UNC80: variants seen among roughly 807,000 people sequenced by gnomAD.
UNC80 encodes the protein protein unc-80 homolog.
A neutral mutation model predicts 384.6 loss-of-function variants in UNC80; 164 were observed. The ratio of observed to expected loss-of-function variants is 0.43; its 90% CI spans 0.38 to 0.49. The LOEUF is 0.49. Among genes scored for constraint, UNC80 ranks in the 20% least tolerant of loss-of-function variants. The pLI is 0.00. For synonymous variants in UNC80, 1,486 were observed against 1,527.8 expected (o/e 0.97, Z 0.64); for missense variants, 3,330 against 4,143.0 (o/e 0.80, Z 5.39).
intron 43 of UNC80, among the ~76,000 whole-genome samples, chr2:209,940,977 C>T (rs1416232187): frequency 2.6e-5 from 4 of 152,158 alleles, no homozygotes; most frequent in Admixed American, 2.6e-4. Flanking sequence ...AGCAGTAAAA[C>T]ACTGCCAATG....
Position 209,841,537 on chromosome 2 carries a change from A to C in UNC80, c.3358-813A>C, listed in dbSNP as rs572962312. 4.6e-5 allele frequency among the ~76,000 whole-genome samples: 7 copies of C among 152,024 alleles called. No homozygotes were observed. In the South Asian group the frequency reaches 8.3e-4, roughly 18 times the overall value. On this transcript the variant is annotated intron_variant, in intron 20 of 64. Transcript: ENST00000673920. The stretch of plus-strand genomic sequence containing the variant: ...CCAGCTAATTTTATATTTTTAGTAG[A>C]GACGGGGTTTCACCATGTTGGCCAG...
chr2:209,928,346 A>G (rs888555711), intron 36 of UNC80, among the ~76,000 whole-genome samples: 5 of 152,130 alleles, frequency 3.3e-5, no homozygotes, highest in African/African-American at 1.2e-4. Flanking sequence ...AAAAATAAAA[A>G]TAAAATAAAA....
intron 14 of UNC80, among the ~76,000 whole-genome samples, chr2:209,826,307 T>C (rs1027582859): frequency 6.6e-6 from 1 of 152,186 alleles, no homozygotes; most frequent in Non-Finnish European, 1.5e-5. Context: ...AGTGAAAATA[T>C]ATATAATTGG....
At chr2:209,809,471 C>A in intron 7 of UNC80, 1 of 1,412,924 alleles carries the variant, frequency 7.1e-7, no homozygotes, top group South Asian at 1.1e-5. Flanking sequence ...CACCTCCAGA[C>A]CCACTTGGAC....
chr2:209,818,934 T>A lies in UNC80; in HGVS notation c.1694-59T>A, dbSNP rs958538465. The A allele has an allele frequency of 1.2e-5, 18 of 1,505,626 alleles. No homozygotes were observed. In the African/African-American group the frequency reaches 2.4e-4, roughly 20 times the overall value. The allele number at this position is 1,505,626 out of a possible 1,614,324, so 93.3% of individuals were successfully genotyped here. A position where few individuals can be genotyped will look rare whatever the true frequency, so the allele number is the denominator to read the frequency against. ...CATGATTGAAGTAATAGTATAACTGTCTAACTGGTATTGTAGGTTAATGTA... is the reference window on the plus strand; with the variant it reads ...CATGATTGAAGTAATAGTATAACTGACTAACTGGTATTGTAGGTTAATGTA... On this transcript the variant is annotated intron_variant, in intron 11 of 64. Coordinates refer to ENST00000673920, the MANE Select transcript of UNC80 (RefSeq NM_001371986.1).
intron 4 of UNC80, 135 bp downstream of exon 4, chr2:209,777,694 T>A: frequency 1.0e-6 from 1 of 996,240 alleles, no homozygotes; most frequent in Non-Finnish European, 1.5e-6. Context: ...GAACTTTATT[T>A]CTGTGTTAAA....
rs898129387 is a variant in UNC80 at position 209,813,593 on chromosome 2, A to G, written c.952A>G (p.Ile318Val). Reference protein sequence around the residue: ...GPSHSRASLVIPPCQRSRYAT... With the variant: ...GPSHSRASLVVPPCQRSRYAT... ...GCCATGGAACAGGGCCTCTCTTGTG[A>G]TACCTCCGTGCCAAAGGTCCCGCTA... Residue 318 changes from isoleucine to valine, a missense_variant, in exon 8 of 65, where the codon ATA becomes GTA. Around this residue, in one of 8 missense-constraint regions of UNC80, gnomAD observed 937 missense variants for 1,026.8 expected, o/e 0.91. Transcript: ENST00000673920. 1.3e-6 allele frequency: 2 copies of G among 1,551,372 alleles called. No homozygotes were observed. Among genetic ancestry groups the G allele is most frequent in the Non-Finnish European group, 1.7e-6 (2 of 1,146,808 alleles).
chr2:209,809,269 G>A, intron 7 of UNC80: 1 of 741,150 alleles, frequency 1.3e-6, no homozygotes, highest in Non-Finnish European at 2.5e-6. Flanking sequence ...CTGCAATAAG[G>A]AATGCCTCAG....
At position 209,969,756 on chromosome 2, in the gene UNC80, A is replaced by G. The variant is rs1439640265; in HGVS notation, c.8007-12A>G. 7.7e-6 allele frequency: 12 copies of G among 1,551,480 alleles called. No homozygotes were observed. The Middle Eastern group carries it at 6.7e-4, about 86-fold the overall frequency. ...GAGCCAAGACGCTAATGGCGCCTAT[A>G]TTGTATTCCAGGCGACAGGTTGAGT... On this transcript the variant is annotated splice_polypyrimidine_tract_variant and intron_variant, in intron 52 of 64. Coordinates refer to ENST00000673920, the MANE Select transcript of UNC80 (RefSeq NM_001371986.1).
At chr2:209,788,832 A>T (rs1163138715) in intron 5 of UNC80, among the ~76,000 whole-genome samples, 1 of 152,132 alleles carries the variant, frequency 6.6e-6, no homozygotes, top group Non-Finnish European at 1.5e-5. Context: ...AGATAAATTT[A>T]GCATTGCCTT....
Position 209,817,854 on chromosome 2 carries a change from T to A in UNC80, c.1595T>A (p.Met532Lys). 1 of 1,551,486 alleles carries A rather than the reference T, an allele frequency of 6.4e-7. No individual in the cohort carries two copies. Among genetic ancestry groups the A allele is most frequent in the Non-Finnish European group, 8.7e-7 (1 of 1,146,946 alleles). ...GGCAGTTCAGATGCAGCCACTGAGA[T>A]GGAGAGTCTGAGCGCCAGGCATTCC... ...RRGSSDAATE[M>K]ESLSARHSHS... is the part of the protein sequence containing the mutation. Residue 532 changes from methionine (M) to lysine (K), a missense_variant, in exon 11 of 65, where the codon ATG becomes AAG. By Grantham distance (95) the Met-to-Lys change is moderately conservative. This residue lies in a region of UNC80 where 937 missense variants were observed against 1,026.8 expected (regional missense o/e 0.91). Transcript: ENST00000673920.
intron 25 of UNC80, among the ~76,000 whole-genome samples, chr2:209,886,050 A>C (rs1436337075): frequency 6.6e-6 from 1 of 152,126 alleles, no homozygotes; most frequent in African/African-American, 2.4e-5. Context: ...GGTGTGAGCC[A>C]CTGTGCCCAG....
chr2:209,910,823 A>G (rs1044372605), intron 29 of UNC80, among the ~76,000 whole-genome samples: 2 of 152,146 alleles, frequency 1.3e-5, no homozygotes, highest in Non-Finnish European at 2.9e-5. Context: ...TTTTCAAATA[A>G]TTGTAATGGA....
Position 209,838,416 on chromosome 2 carries a change from T to C in UNC80, c.3042-806T>C, listed in dbSNP as rs975682009. Among the ~76,000 whole-genome samples the C allele has an allele frequency of 3.9e-5, 6 of 152,278 alleles. No individual in the cohort carries two copies. The East Asian group carries it at 1.2e-3, about 29-fold the overall frequency. On this transcript the variant is annotated intron_variant, in intron 18 of 64. Coordinates refer to ENST00000673920, the MANE Select transcript of UNC80 (RefSeq NM_001371986.1). ...GTCTTTTTCCTGTTGTGGAATGCCC[T>C]ACTCAAAAATCCCCTTGCAGGTATT...
At chr2:209,779,899 T>A (rs2077062587) in intron 4 of UNC80, among the ~76,000 whole-genome samples, 1 of 152,218 alleles carries the variant, frequency 6.6e-6, no homozygotes, top group Non-Finnish European at 1.5e-5. Flanking sequence ...GAGTCTAAGT[T>A]TTGGAAACAG....
intron 4 of UNC80, among the ~76,000 whole-genome samples, chr2:209,785,823 A>G (rs377400866): frequency 2.0e-5 from 3 of 152,206 alleles, no homozygotes; most frequent in African/African-American, 4.8e-5. Flanking sequence ...GCCCAAAGCT[A>G]TGTTTTGATT....
intron 48 of UNC80, 85 bp from the exon 49 acceptor site, chr2:209,957,559 G>C: frequency 2.5e-6 from 3 of 1,213,830 alleles, no homozygotes; most frequent in South Asian, 2.8e-5. Flanking sequence ...ACTTATGTGT[G>C]CTTCAGTAAC....
Position 209,866,490 on chromosome 2 carries a change from C to CACACACACACA in UNC80, c.3628-6268_3628-6267insACACACACACA, listed in dbSNP as rs1559226593. 1.9e-4 allele frequency among the ~76,000 whole-genome samples: 20 copies of CACACACACACA among 107,624 alleles called. No homozygotes were observed. The East Asian group carries it at 2.9e-3, about 16-fold the overall frequency. The allele number at this position is 107,624 out of a possible 152,430, so 70.6% of individuals were successfully genotyped here. ...ACATTCCATAATACAAAATGCACCCCCACACACACACACACACACACACAC... is the reference window on the plus strand; with the variant it reads ...ACATTCCATAATACAAAATGCACCCCACACACACACACACACACACACACACACACACACAC... On this transcript the variant is annotated intron_variant, in intron 22 of 64. Transcript: ENST00000673920.
intron 7 of UNC80, among the ~76,000 whole-genome samples, chr2:209,801,548 A>G (rs1293277222): frequency 6.6e-6 from 1 of 151,174 alleles, no homozygotes; most frequent in African/African-American, 2.4e-5. Context: ...ACGCCTGACT[A>G]ATTTTTGTAT....
Sources: allele counts gnomAD v4.1 joint callset (sites outside exome capture counted in the v4.1 genomes callset), GRCh38; gene constraint gnomAD v4.1.1; regional missense constraint gnomAD v4.1.1; transcripts MANE v1.5; gene names NCBI Gene and HGNC (gene_info 2026-07-23, HGNC 2026-07-21).